The following FAM13B variants were observed in gnomAD, a reference collection of about 807,000 sequenced individuals.
FAM13B encodes protein FAM13B.
FAM13B carries 60 observed loss-of-function variants against 117.3 expected under a neutral mutation model. The ratio of observed to expected loss-of-function variants is 0.51; its 90% CI spans 0.42 to 0.63. FAM13B has a LOEUF of 0.63. Among genes scored for constraint, FAM13B ranks in the 30% least tolerant of loss-of-function variants. The pLI is 0.00. For missense variants in FAM13B, 972 were observed against 1,091.9 expected (o/e 0.89, Z 1.55); for synonymous variants, 332 against 356.1 (o/e 0.93, Z 0.76).
chr5:137,964,162 A>G (rs1191964193), intron 10 of FAM13B, among the ~76,000 whole-genome samples: 1 of 152,100 alleles, frequency 6.6e-6, no homozygotes, highest in Admixed American at 6.5e-5. Flanking sequence ...GGTTCAAGCG[A>G]TTCTCCTGCC....
intron 1 of FAM13B, among the ~76,000 whole-genome samples, chr5:138,049,631 G>A (rs182157598): frequency 1.3e-5 from 2 of 152,234 alleles, no homozygotes; most frequent in Non-Finnish European, 2.9e-5. Context: ...AAGTTACCAA[G>A]CAAAACAGGA....
chr5:137,948,666 AT>A (rs908329235), intron 18 of FAM13B, among the ~76,000 whole-genome samples: 11 of 152,314 alleles, frequency 7.2e-5, no homozygotes, highest in African/African-American at 2.4e-4. Flanking sequence ...AATTGCTGGA[AT>A]TGAGGCATGA....
At chr5:137,993,290 A>C (rs1779099595) in intron 7 of FAM13B, among the ~76,000 whole-genome samples, 1 of 152,120 alleles carries the variant, frequency 6.6e-6, no homozygotes, top group African/African-American at 2.4e-5. Flanking sequence ...TTGTTTTGCT[A>C]TACATTTACT....
intron 10 of FAM13B, among the ~76,000 whole-genome samples, chr5:137,979,381 C>A (rs965999141): frequency 6.6e-6 from 1 of 152,160 alleles, no homozygotes; most frequent in Admixed American, 6.5e-5. Context: ...TCCTTACCCC[C>A]AGTCTTTCCC....
chr5:138,030,358 C>T, intron 1 of FAM13B, among the ~76,000 whole-genome samples: 1 of 152,090 alleles, frequency 6.6e-6, no homozygotes, highest in Admixed American at 6.5e-5. Flanking sequence ...GCAATCCTCC[C>T]ACCTCAGCTC....
At chr5:138,033,140 G>T, upstream of FAM13B, 1 of 655,846 alleles carries the variant, frequency 1.5e-6, no homozygotes, top group South Asian at 6.7e-5. Flanking sequence ...GGCCGCTGGT[G>T]GGGGCGGGGC....
intron 6 of FAM13B, among the ~76,000 whole-genome samples, chr5:138,009,398 T>A (rs950400389): frequency 2.0e-5 from 3 of 152,130 alleles, no homozygotes; most frequent in African/African-American, 7.2e-5. Flanking sequence ...GAAATTATCC[T>A]CTTTCCCCAT....
intron 7 of FAM13B, among the ~76,000 whole-genome samples, chr5:137,999,482 A>C (rs1780671891): frequency 6.6e-6 from 1 of 151,982 alleles, no homozygotes; most frequent in Admixed American, 6.6e-5. Context: ...AGGCTGAGGC[A>C]GAAGAATCGC....
At position 138,011,778 on chromosome 5, in the gene FAM13B, C is replaced by A; in HGVS notation, c.538G>T (p.Asp180Tyr). The A allele has an allele frequency of 1.2e-6, 2 of 1,609,770 alleles. No individual in the cohort carries two copies. Among genetic ancestry groups the A allele is most frequent in the Non-Finnish European group, 1.7e-6 (2 of 1,178,572 alleles). ...TTTTAAACAACTTACTGGAAGACAT[C>A]TGGACCAAAGACAGCAGCCAAAGAA... is the stretch of plus-strand genomic sequence containing the variant. ...ANSLAAVFGP[D>Y]VFHIYTDVED... Residue 180 changes from aspartate (D) to tyrosine (Y), a missense_variant, in exon 5 of 24, where the codon GAT becomes TAT. Physicochemically the swap from Asp to Tyr is radical, Grantham distance 160 (BLOSUM62 -3). Transcript: ENST00000689681.
intron 20 of FAM13B, among the ~76,000 whole-genome samples, chr5:137,944,133 G>A (rs1762710127): frequency 6.6e-6 from 1 of 152,140 alleles, no homozygotes; most frequent in South Asian, 2.1e-4. Flanking sequence ...GTGCCCCTTT[G>A]TGTCAGGCTT....
intron 10 of FAM13B, among the ~76,000 whole-genome samples, chr5:137,972,675 G>T (rs1357628393): frequency 0.013 from 1,941 of 151,776 alleles, 32 homozygotes; most frequent in African/African-American, 0.043. Flanking sequence ...AAATTGTCCC[G>T]GTTTGCAGAC....
At chr5:138,039,856 C>T (rs1022655204) in intron 1 of FAM13B, 2 of 152,172 alleles carry the variant, frequency 1.3e-5, no homozygotes, top group Non-Finnish European at 2.9e-5. Flanking sequence ...CTACTCTTTT[C>T]CACTAGAGTA....
At chr5:137,981,077 ATTTTTTT>A (rs56799832) in intron 10 of FAM13B, among the ~76,000 whole-genome samples, 3 of 60,454 alleles carry the variant, frequency 5.0e-5, no homozygotes, top group African/African-American at 1.4e-4. Context: ...ACACCTGGCT[ATTTTTTT>A]TTTTTTTTTT....
chr5:137,981,393 A>C (rs900052415), intron 10 of FAM13B, among the ~76,000 whole-genome samples: 1 of 152,118 alleles, frequency 6.6e-6, no homozygotes, highest in African/African-American at 2.4e-5. Context: ...GGTTACAGTG[A>C]GTATGATCAT....
intron 4 of FAM13B, among the ~76,000 whole-genome samples, chr5:138,014,038 G>C (rs1784689189): frequency 6.6e-6 from 1 of 152,138 alleles, no homozygotes; most frequent in Non-Finnish European, 1.5e-5. Flanking sequence ...CCAGGCCCAA[G>C]CGATCCTCCC....
At chr5:138,010,925 T>C in intron 6 of FAM13B, 83 bp downstream of exon 6, 1 of 1,279,912 alleles carries the variant, frequency 7.8e-7, no homozygotes, top group Non-Finnish European at 1.0e-6. Flanking sequence ...TCCACTTATG[T>C]CTGTGGCAAG....
At chr5:137,983,243 G>GA (rs1776336632) in intron 10 of FAM13B, among the ~76,000 whole-genome samples, 1 of 140,248 alleles carries the variant, frequency 7.1e-6, no homozygotes, top group Non-Finnish European at 1.5e-5. Context: ...AATGCCAAGT[G>GA]AAAAAAGTAT....
intron 7 of FAM13B, among the ~76,000 whole-genome samples, chr5:138,002,326 C>T (rs1441992448): frequency 1.3e-5 from 2 of 152,018 alleles, no homozygotes; most frequent in African/African-American, 4.8e-5. Flanking sequence ...ATCAGGAGTT[C>T]AAGAGACCAG....
intron 1 of FAM13B, among the ~76,000 whole-genome samples, chr5:138,025,469 G>A (rs140743488): frequency 9.1e-4 from 138 of 151,402 alleles, no homozygotes; most frequent in African/African-American, 3.2e-3. Flanking sequence ...CACTACTCCC[G>A]GCTCAGAAAC....
Sources: allele counts gnomAD v4.1 joint callset (sites outside exome capture counted in the v4.1 genomes callset), GRCh38; gene constraint gnomAD v4.1.1; transcripts MANE v1.5; gene names NCBI Gene and HGNC (gene_info 2026-07-23, HGNC 2026-07-21).